Variants in OR2L13 observed in about 807,000 individuals in gnomAD.
OR2L13 encodes olfactory receptor 2L13.
Under a neutral mutation model 15.3 loss-of-function variants are expected in OR2L13, and 14 were observed. The ratio of observed to expected loss-of-function variants is 0.91; its 90% CI spans 0.60 to 1.43. The LOEUF is 1.43. Among genes scored for constraint, OR2L13 ranks in the 40% most tolerant of loss-of-function variants. The pLI is 0.00. For missense variants in OR2L13, 367 were observed against 387.9 expected, an observed-to-expected ratio of 0.95 and a Z score of 0.45; for synonymous variants, 152 against 142.9, an observed-to-expected ratio of 1.06 and a Z score of -0.45.
At chr1:247,947,863 G>A in the OR2L13 span, among the ~76,000 whole-genome samples, 1 of 152,182 alleles carries the variant, frequency 6.6e-6, no homozygotes, top group African/African-American at 2.4e-5. Flanking sequence ...ATTGCACAAA[G>A]ATCATTCAAG....
chr1:247,972,863 T>C, the OR2L13 span, among the ~76,000 whole-genome samples: 1 of 152,170 alleles, frequency 6.6e-6, no homozygotes, highest in African/African-American at 2.4e-5. Context: ...TGAACATTGA[T>C]GTGAAAATCC....
upstream of OR2L13, among the ~76,000 whole-genome samples, chr1:248,092,264 T>A (rs527942994): frequency 3.3e-5 from 5 of 152,336 alleles, no homozygotes; most frequent in East Asian, 9.6e-4. Flanking sequence ...TAAATGCTTT[T>A]CATTTTTCAC....
chr1:247,943,023 G>C, the OR2L13 span, among the ~76,000 whole-genome samples: 1 of 152,042 alleles, frequency 6.6e-6, no homozygotes, highest in Non-Finnish European at 1.5e-5. Context: ...TATATTCGAG[G>C]TTCATCCATG....
chr1:247,967,278 G>C, the OR2L13 span, among the ~76,000 whole-genome samples: 1 of 151,808 alleles, frequency 6.6e-6, no homozygotes, highest in African/African-American at 2.4e-5. Context: ...GCCCAGGCTG[G>C]AGTGCAGTGG....
the OR2L13 span, among the ~76,000 whole-genome samples, chr1:248,047,313 T>C: frequency 6.6e-6 from 1 of 151,848 alleles, no homozygotes; most frequent in African/African-American, 2.4e-5. Flanking sequence ...TATAATCTTA[T>C]TGCTACTTCT....
the OR2L13 span, among the ~76,000 whole-genome samples, chr1:248,048,801 T>C: frequency 1.3e-5 from 2 of 152,092 alleles, no homozygotes; most frequent in African/African-American, 4.8e-5. Flanking sequence ...TCTGGAAAAC[T>C]CCATAAAGAA....
the OR2L13 span, chr1:248,021,988 T>G: frequency 1.9e-6 from 3 of 1,613,906 alleles, no homozygotes; most frequent in Non-Finnish European, 2.5e-6. Flanking sequence ...TTCATCTTAT[T>G]GGGGCTGTTC....
chr1:248,022,258 T>G, the OR2L13 span: 2 of 1,614,214 alleles, frequency 1.2e-6, no homozygotes, highest in Non-Finnish European at 1.7e-6. Flanking sequence ...TTCTTCTTCA[T>G]GACTTTTGCA....
chr1:247,941,856 G>T, the OR2L13 span, among the ~76,000 whole-genome samples: 2 of 152,118 alleles, frequency 1.3e-5, no homozygotes, highest in Non-Finnish European at 2.9e-5. Flanking sequence ...TAAAGTTTCT[G>T]TATGTTTCAG....
chr1:248,095,879 A>C (rs1051871698), upstream of OR2L13, among the ~76,000 whole-genome samples: 2 of 150,362 alleles, frequency 1.3e-5, no homozygotes, highest in Non-Finnish European at 3.0e-5. Flanking sequence ...TGCTGGGCTT[A>C]CAGACCTGAG....
chr1:248,051,603 G>A, the OR2L13 span, among the ~76,000 whole-genome samples: 2 of 152,016 alleles, frequency 1.3e-5, no homozygotes, highest in East Asian at 1.9e-4. Flanking sequence ...TGAGGGAGGA[G>A]GCAAGGGTTG....
chr1:248,085,445 A>AAAATAAAATAATAAAATAAAAT, the OR2L13 span, among the ~76,000 whole-genome samples: 7 of 133,500 alleles, frequency 5.2e-5, no homozygotes, highest in Non-Finnish European at 9.3e-5. Context: ...ATAATAAAAT[A>AAAATAAAATAATAAAATAAAAT]AAAAAATGTG....
At chr1:248,035,005 AT>A in the OR2L13 span, among the ~76,000 whole-genome samples, 2 of 147,134 alleles carry the variant, frequency 1.4e-5, no homozygotes, top group African/African-American at 5.0e-5. Flanking sequence ...AATAAAAATT[AT>A]TTCACTTCTT....
At chr1:247,949,761 C>G in the OR2L13 span, 16 of 1,612,240 alleles carry the variant, frequency 9.9e-6, no homozygotes, top group Admixed American at 3.3e-5. Context: ...GGCCCTGACA[C>G]GAGTGAGTCA....
At chr1:247,951,888 C>T in the OR2L13 span, among the ~76,000 whole-genome samples, 1 of 152,158 alleles carries the variant, frequency 6.6e-6, no homozygotes, top group Non-Finnish European at 1.5e-5. Flanking sequence ...CTGCTTCTGT[C>T]ATCACCATCA....
the OR2L13 span, among the ~76,000 whole-genome samples, chr1:247,982,394 A>G: frequency 0.039 from 5,888 of 152,256 alleles, 348 homozygotes; most frequent in African/African-American, 0.13. Flanking sequence ...CTATGAATAT[A>G]TGAATCACTA....
At chr1:247,943,176 ATTTG>A in the OR2L13 span, among the ~76,000 whole-genome samples, 1 of 152,142 alleles carries the variant, frequency 6.6e-6, no homozygotes, top group Non-Finnish European at 1.5e-5. Context: ...GCATAGAAAT[ATTTG>A]TTTGATGCAA....
the OR2L13 span, among the ~76,000 whole-genome samples, chr1:248,075,216 G>A: frequency 0.037 from 5,561 of 152,206 alleles, 343 homozygotes; most frequent in African/African-American, 0.13. Context: ...TCTTTTTTAT[G>A]GCTGCATAGT....
At chr1:248,017,827 T>A in the OR2L13 span, among the ~76,000 whole-genome samples, 728 of 152,250 alleles carry the variant, frequency 4.8e-3, 7 homozygotes, top group African/African-American at 0.017. Context: ...GTAAACACAA[T>A]GTCATACAAA....
Sources: gnomAD v4.1 joint callset for allele counts (sites outside exome capture counted in the v4.1 genomes callset) on GRCh38, gnomAD v4.1.1 for gene constraint, MANE v1.5 for transcripts, NCBI Gene and HGNC (gene_info 2026-07-23, HGNC 2026-07-21) for gene names.